Variants in SLC44A3 observed in about 807,000 individuals in gnomAD.
The protein encoded by SLC44A3 is solute carrier family 44 member 3.
Under a neutral mutation model 75.4 loss-of-function variants are expected in SLC44A3, and 74 were observed. The observed-to-expected ratio is 0.98, with a 90% CI of 0.81 to 1.19. The LOEUF is 1.19. Ranked by LOEUF, SLC44A3 falls within the 50% of genes most tolerant of loss-of-function variation. SLC44A3 has a pLI of 0.00. For missense variants in SLC44A3, 700 were observed against 778.6 expected (o/e 0.90, Z 1.20); for synonymous variants, 310 against 296.9 (o/e 1.04, Z -0.45).
At chr1:94,879,656 G>A (rs1381143490) in intron 12 of SLC44A3, among the ~76,000 whole-genome samples, 2 of 151,292 alleles carry the variant, frequency 1.3e-5, no homozygotes, top group South Asian at 2.1e-4. Context: ...TGGCTAACAC[G>A]GTGAAACCCC....
intron 8 of SLC44A3, chr1:94,843,731 A>G (rs555768290): frequency 6.6e-6 from 1 of 152,288 alleles, no homozygotes; most frequent in East Asian, 1.9e-4. Flanking sequence ...AAAGGTCCTG[A>G]TCTGCAATGA....
At chr1:94,871,467 AG>A (rs1667759975) in intron 12 of SLC44A3, among the ~76,000 whole-genome samples, 1 of 152,200 alleles carries the variant, frequency 6.6e-6, no homozygotes, top group South Asian at 2.1e-4. Flanking sequence ...GGCCTGGCTA[AG>A]AACCCCACTG....
chr1:94,890,205 C>T (rs1482699874), intron 12 of SLC44A3, among the ~76,000 whole-genome samples: 1 of 152,148 alleles, frequency 6.6e-6, no homozygotes, highest in African/African-American at 2.4e-5. Flanking sequence ...ATTTTTCATA[C>T]TGTTCTGTTT....
chr1:94,890,521 C>A (rs1670092392), intron 12 of SLC44A3, among the ~76,000 whole-genome samples: 1 of 152,186 alleles, frequency 6.6e-6, no homozygotes, highest in Non-Finnish European at 1.5e-5. Context: ...CTGACTGAGG[C>A]TGAATTGAGT....
intron 2 of SLC44A3, 122 bp from the exon 3 acceptor site, chr1:94,824,371 G>A (rs1338102939): frequency 6.8e-6 from 8 of 1,182,582 alleles, no homozygotes; most frequent in East Asian, 2.7e-5. Context: ...GGAGCAAAGC[G>A]CTATGATGCT....
At position 94,833,210 on chromosome 1, in the gene SLC44A3, G is replaced by A. The variant is rs1662357858; in HGVS notation, c.510-4501G>A. Among the ~76,000 whole-genome samples, 6 of 152,160 alleles carry A rather than the reference G, an allele frequency of 3.9e-5. No individual in the cohort carries two copies. In the South Asian group the frequency reaches 1.2e-3, roughly 32 times the overall value. Reference sequence around the variant, plus strand: ...GCAAAAGTGAAGGAAGAAAATAGTAGCAGGAACACATTTACTTGTCTGATA... The same window carrying A: ...GCAAAAGTGAAGGAAGAAAATAGTAACAGGAACACATTTACTTGTCTGATA... On this transcript the variant is annotated intron_variant, in intron 5 of 14. Coordinates refer to ENST00000271227, the MANE Select transcript of SLC44A3 (RefSeq NM_001114106.3).
At chr1:94,821,494 C>A (rs1438467790) in intron 2 of SLC44A3, among the ~76,000 whole-genome samples, 2 of 152,050 alleles carry the variant, frequency 1.3e-5, no homozygotes, top group Non-Finnish European at 2.9e-5. Flanking sequence ...CACACACGCG[C>A]GCGAGAGATA....
chr1:94,854,112 A>G (rs1156991735), intron 9 of SLC44A3, among the ~76,000 whole-genome samples: 1 of 152,206 alleles, frequency 6.6e-6, no homozygotes, highest in Non-Finnish European at 1.5e-5. Flanking sequence ...ACTAAAAGCC[A>G]CAAGACAGGA....
intron 12 of SLC44A3, among the ~76,000 whole-genome samples, chr1:94,880,570 G>A (rs1225843250): frequency 1.3e-5 from 2 of 151,658 alleles, no homozygotes; most frequent in African/African-American, 2.4e-5. Flanking sequence ...GTCAAATATG[G>A]TATTTTGACT....
chr1:94,890,796 A>C (rs912091012), intron 12 of SLC44A3, among the ~76,000 whole-genome samples: 5 of 152,206 alleles, frequency 3.3e-5, no homozygotes, highest in Non-Finnish European at 7.3e-5. Context: ...GCAGTGAGCC[A>C]AGATGGCACC....
intron 3 of SLC44A3, among the ~76,000 whole-genome samples, chr1:94,827,053 G>T (rs544214219): frequency 4.7e-4 from 72 of 152,310 alleles, no homozygotes; most frequent in South Asian, 1.5e-3. Flanking sequence ...ACAAGCCTTT[G>T]GTTCCCAGCC....
intron 3 of SLC44A3, 190 bp from the exon 4 acceptor site, chr1:94,827,317 T>A: frequency 1.5e-6 from 1 of 666,594 alleles, no homozygotes; most frequent in East Asian, 2.8e-5. Flanking sequence ...TTTGGATAGT[T>A]TCCAAGCTGC....
chr1:94,831,480 A>T (rs1662122269), intron 5 of SLC44A3, among the ~76,000 whole-genome samples: 1 of 152,232 alleles, frequency 6.6e-6, no homozygotes, highest in African/African-American at 2.4e-5. Flanking sequence ...TCTGTCGGTC[A>T]TGTGAGGTAT....
intron 12 of SLC44A3, among the ~76,000 whole-genome samples, chr1:94,871,291 A>G (rs1667741924): frequency 6.6e-6 from 1 of 152,200 alleles, no homozygotes. Flanking sequence ...AACTGTAATC[A>G]AGCAGTTATC....
chr1:94,842,240 C>G, intron 8 of SLC44A3, 116 bp downstream of exon 8: 1 of 1,401,434 alleles, frequency 7.1e-7, no homozygotes. Context: ...TTAGAATGTG[C>G]CTTCTTTGGA....
intron 12 of SLC44A3, among the ~76,000 whole-genome samples, chr1:94,882,402 T>C (rs1173469619): frequency 6.6e-6 from 1 of 152,188 alleles, no homozygotes; most frequent in Non-Finnish European, 1.5e-5. Flanking sequence ...CTGAGGAAGC[T>C]TGAAGTCAGT....
Position 94,864,901 on chromosome 1 carries a change from T to C in SLC44A3, c.1395+2T>C. 6.2e-7 allele frequency: 1 copy of C among 1,613,346 alleles called. No homozygotes were observed. Among genetic ancestry groups the C allele is most frequent in the Non-Finnish European group, 8.5e-7 (1 of 1,179,694 alleles). On this transcript the variant is annotated splice_donor_variant, in intron 11 of 14. Transcript: ENST00000271227. LOFTEE classifies it high-confidence loss of function. ...ATGCAAAACGCACTGAAAGAACAGG[T>C]AAGGCTACCTCCTGATACACAGCAC... is the stretch of plus-strand genomic sequence containing the variant.
At chr1:94,847,708 C>T (rs1340217180) in intron 9 of SLC44A3, among the ~76,000 whole-genome samples, 1 of 152,192 alleles carries the variant, frequency 6.6e-6, no homozygotes, top group Non-Finnish European at 1.5e-5. Context: ...GTACTGGATG[C>T]TTTCTTATGT....
At chr1:94,890,832 G>A (rs926057629) in intron 12 of SLC44A3, among the ~76,000 whole-genome samples, 4 of 152,142 alleles carry the variant, frequency 2.6e-5, no homozygotes, top group African/African-American at 9.7e-5. Context: ...GGGCAACAGT[G>A]TAAGACTGTC....
Sources: gnomAD v4.1 joint callset for allele counts (sites outside exome capture counted in the v4.1 genomes callset) on GRCh38, gnomAD v4.1.1 for gene constraint, MANE v1.5 for transcripts, NCBI Gene and HGNC (gene_info 2026-07-23, HGNC 2026-07-21) for gene names.